The following PUM1 variants were observed in gnomAD, a reference collection of about 807,000 sequenced individuals.
The protein encoded by PUM1 is pumilio homolog 1.
In PUM1, 13 loss-of-function variants were observed where a neutral mutation model predicts 131.8. The ratio of observed to expected loss-of-function variants is 0.10; its 90% CI spans 0.06 to 0.16. The LOEUF is 0.16. Among genes scored for constraint, PUM1 ranks in the 10% least tolerant of loss-of-function variants. The pLI, the probability that PUM1 is intolerant of heterozygous loss-of-function variation, is 1.00. For synonymous variants in PUM1, 509 were observed against 556.5 expected (o/e 0.91, Z 1.20); for missense variants, 961 against 1,512.4 (o/e 0.64, Z 6.05).
intron 14 of PUM1, among the ~76,000 whole-genome samples, chr1:30,956,453 G>A (rs1263108014): frequency 1.3e-5 from 2 of 151,942 alleles, no homozygotes; most frequent in Admixed American, 6.6e-5. Flanking sequence ...TAGTAGAGAT[G>A]GGGTTTCACC....
chr1:30,974,856 A>G (rs1641071461), intron 9 of PUM1, 54 bp from the exon 10 acceptor site: 2 of 1,461,114 alleles, frequency 1.4e-6, no homozygotes, highest in African/African-American at 1.4e-5. Flanking sequence ...GGCTCATCTC[A>G]GCCTTTCCAA....
intron 14 of PUM1, among the ~76,000 whole-genome samples, chr1:30,960,570 T>C (rs1470035447): frequency 6.6e-6 from 1 of 152,176 alleles, no homozygotes; most frequent in Non-Finnish European, 1.5e-5. Flanking sequence ...AAGATCAATA[T>C]ACAAAAACCA....
At chr1:30,979,733 A>G (rs1641284072) in intron 9 of PUM1, among the ~76,000 whole-genome samples, 1 of 152,158 alleles carries the variant, frequency 6.6e-6, no homozygotes, top group Non-Finnish European at 1.5e-5. Context: ...GAGACCAGTA[A>G]AAGTACCTGA....
intron 10 of PUM1, among the ~76,000 whole-genome samples, chr1:30,969,638 C>CT (rs912580901): frequency 9.3e-4 from 136 of 146,232 alleles, no homozygotes; most frequent in Middle Eastern, 3.6e-3. Flanking sequence ...AAAGGATCTA[C>CT]TTTTTTTTTT....
chr1:31,041,414 T>C (rs1320100534), intron 2 of PUM1, among the ~76,000 whole-genome samples: 3 of 134,594 alleles, frequency 2.2e-5, no homozygotes, highest in Admixed American at 1.5e-4. Flanking sequence ...AGCTATCCTC[T>C]GGGGGGCGGG....
At chr1:30,958,427 C>T (rs1200121394) in intron 14 of PUM1, among the ~76,000 whole-genome samples, 2 of 152,112 alleles carry the variant, frequency 1.3e-5, no homozygotes, top group Non-Finnish European at 2.9e-5. Flanking sequence ...TCTTCCAGGG[C>T]AAATGAAAAG....
At chr1:30,973,252 T>TA (rs11376427) in intron 10 of PUM1, among the ~76,000 whole-genome samples, 56,912 of 138,040 alleles carry the variant, frequency 0.41, 14,019 homozygotes, top group East Asian at 0.86. Flanking sequence ...GTGTGGAATC[T>TA]AAAAAAAAAA....
intron 10 of PUM1, among the ~76,000 whole-genome samples, chr1:30,972,770 CA>C (rs1449139726): frequency 7.0e-6 from 1 of 142,760 alleles, no homozygotes; most frequent in South Asian, 2.3e-4. Context: ...GACTCCATCT[CA>C]AAAAAAACAA....
At chr1:31,048,266 A>G (rs1302253040) in intron 2 of PUM1, among the ~76,000 whole-genome samples, 1 of 151,674 alleles carries the variant, frequency 6.6e-6, no homozygotes, top group East Asian at 1.9e-4. Context: ...AAAATAAAAA[A>G]TAAAAAAAAG....
At chr1:30,972,859 C>A (rs1640977446) in intron 10 of PUM1, among the ~76,000 whole-genome samples, 1 of 152,034 alleles carries the variant, frequency 6.6e-6, no homozygotes, top group African/African-American at 2.4e-5. Context: ...ACGGGTGGAT[C>A]ACCTGAGGTC....
chr1:31,050,111 G>A (rs1021293160), intron 2 of PUM1, among the ~76,000 whole-genome samples: 2 of 152,066 alleles, frequency 1.3e-5, no homozygotes, highest in African/African-American at 2.4e-5. Context: ...GATTACAGGC[G>A]TGAGCCAATT....
At chr1:31,052,477 C>T (rs1644135654) in intron 2 of PUM1, among the ~76,000 whole-genome samples, 1 of 151,770 alleles carries the variant, frequency 6.6e-6, no homozygotes, top group African/African-American at 2.4e-5. Context: ...TCCCTGGGCT[C>T]AAGTGATCCT....
chr1:31,006,278 G>A (rs1364887404), intron 4 of PUM1, among the ~76,000 whole-genome samples: 1 of 151,932 alleles, frequency 6.6e-6, no homozygotes, highest in East Asian at 1.9e-4. Context: ...CTAGCTGAGT[G>A]GATAAAATTT....
intron 2 of PUM1, among the ~76,000 whole-genome samples, chr1:31,041,766 T>C (rs1341383986): frequency 6.6e-6 from 1 of 152,160 alleles, no homozygotes. Flanking sequence ...ACTTACTTCC[T>C]GTACAGTCTG....
intron 2 of PUM1, among the ~76,000 whole-genome samples, chr1:31,057,826 T>C (rs540640861): frequency 6.6e-6 from 1 of 152,208 alleles, no homozygotes; most frequent in East Asian, 1.9e-4. Context: ...CCTGATTTTT[T>C]CTGAAGTAAA....
At chr1:30,969,188 C>T (rs1314774984) in intron 10 of PUM1, among the ~76,000 whole-genome samples, 1 of 151,776 alleles carries the variant, frequency 6.6e-6, no homozygotes, top group Non-Finnish European at 1.5e-5. Flanking sequence ...CCTATAATCC[C>T]AGCTACGAGA....
At position 30,936,659 on chromosome 1, in the gene PUM1, T is replaced by A; in HGVS notation, c.3419A>T (p.Lys1140Met). 1 of 1,613,874 alleles carries A rather than the reference T, an allele frequency of 6.2e-7. No individual in the cohort carries two copies. The highest frequency in any genetic ancestry group is 8.5e-7 in the Non-Finnish European group (1 of 1,179,854). ...CCGGCCTACCTTATGCATGACGATC[T>A]TCCGCTGGCCTGGCTCCGCCACGTC... Reference protein sequence around the residue: ...MIDVAEPGQRKIVMHKIRPHI... With the variant: ...MIDVAEPGQRMIVMHKIRPHI... Residue 1140 changes from lysine (K) to methionine (M), a missense_variant, in exon 21 of 22, where the codon AAG becomes ATG. Coordinates refer to ENST00000426105, the MANE Select transcript of PUM1 (RefSeq NM_001020658.2).
At chr1:30,997,705 G>C (rs1344339767) in intron 5 of PUM1, among the ~76,000 whole-genome samples, 1 of 151,864 alleles carries the variant, frequency 6.6e-6, no homozygotes, top group African/African-American at 2.4e-5. Flanking sequence ...CTCTTTTGTG[G>C]TGGTGGTGGT....
At chr1:30,943,852 C>T (rs1639561168) in intron 18 of PUM1, among the ~76,000 whole-genome samples, 1 of 152,244 alleles carries the variant, frequency 6.6e-6, no homozygotes, top group Admixed American at 6.5e-5. Flanking sequence ...TTGCATTTTC[C>T]TTGTTCCTAA....
Sources: allele counts gnomAD v4.1 joint callset (sites outside exome capture counted in the v4.1 genomes callset), GRCh38; gene constraint gnomAD v4.1.1; transcripts MANE v1.5; gene names NCBI Gene and HGNC (gene_info 2026-07-23, HGNC 2026-07-21).